Variants in PHIP observed in about 807,000 individuals in gnomAD.
PHIP encodes PHIP subunit of CUL4-Ring ligase complex, also known as PH-interacting protein.
PHIP carries 54 observed loss-of-function variants against 236.8 expected under a neutral mutation model. The observed-to-expected ratio is 0.23, with a 90% CI of 0.18 to 0.29. The LOEUF (loss-of-function observed/expected upper bound fraction) is 0.29. Among genes scored for constraint, PHIP ranks in the 10% least tolerant of loss-of-function variants. PHIP has a pLI of 1.00. For missense variants in PHIP, 1,370 were observed against 2,190.8 expected (o/e 0.63, Z 7.48); for synonymous variants, 756 against 718.9 (o/e 1.05, Z -0.83).
rs1773217688 is a variant in PHIP at position 78,935,035 on chromosome 6, A to G, written c.*5658T>C. On this transcript the variant is annotated 3_prime_UTR_variant, in exon 40 of 40. Coordinates refer to ENST00000275034, the MANE Select transcript of PHIP (RefSeq NM_017934.7). Reference sequence around the variant, plus strand: ...CAGAGGTTTTGTGCTTTGGTCTTTAATCTTACTTCCGTTAAATACTGGGGA... The same window carrying G: ...CAGAGGTTTTGTGCTTTGGTCTTTAGTCTTACTTCCGTTAAATACTGGGGA... Among the ~76,000 whole-genome samples, 1 of 152,186 alleles carries G rather than the reference A, an allele frequency of 6.6e-6. No individual in the cohort carries two copies. Among genetic ancestry groups the G allele is most frequent in the African/African-American group, 2.4e-5 (1 of 41,460 alleles).
At chr6:79,002,304 T>G (rs1000185367) in intron 16 of PHIP, among the ~76,000 whole-genome samples, 180 bp from the exon 17 acceptor site, 1 of 152,104 alleles carries the variant, frequency 6.6e-6, no homozygotes, top group African/African-American at 2.4e-5. Context: ...TTTTCTACCT[T>G]AAGTATTATG....
intron 31 of PHIP, 115 bp downstream of exon 31, chr6:78,961,575 T>A: frequency 1.1e-6 from 1 of 943,600 alleles, no homozygotes; most frequent in South Asian, 1.5e-5. Flanking sequence ...ATAATCCCCA[T>A]AATCTTATGT....
intron 6 of PHIP, among the ~76,000 whole-genome samples, chr6:79,052,139 G>T (rs1018363273): frequency 6.6e-6 from 1 of 152,120 alleles, no homozygotes; most frequent in Admixed American, 6.6e-5. Flanking sequence ...GGGAAATCTT[G>T]AAATATATAG....
intron 6 of PHIP, among the ~76,000 whole-genome samples, chr6:79,047,854 T>C (rs1772580197): frequency 6.6e-6 from 1 of 152,130 alleles, no homozygotes; most frequent in African/African-American, 2.4e-5. Context: ...CTTTAATCCA[T>C]CTACAATTAT....
chr6:79,010,120 GA>G (rs1480509133), intron 15 of PHIP, among the ~76,000 whole-genome samples: 1 of 151,566 alleles, frequency 6.6e-6, no homozygotes, highest in Admixed American at 6.6e-5. Context: ...GGGTGAGGGA[GA>G]AAAGAAAAGA....
intron 19 of PHIP, among the ~76,000 whole-genome samples, chr6:78,995,932 G>A (rs887873378): frequency 1.1e-4 from 16 of 152,320 alleles, no homozygotes; most frequent in African/African-American, 3.6e-4. Flanking sequence ...GAAGCCCAAA[G>A]AAAGAATATC....
rs193208578 is a variant in PHIP, at chr6:78,984,990, T to C, written c.2537+362A>G. On this transcript the variant is annotated intron_variant, in intron 22 of 39. Coordinates refer to ENST00000275034, the MANE Select transcript of PHIP (RefSeq NM_017934.7). ...GAGAGCTTATTCCTCTTATCATTAG[T>C]ATTCCATAAATTCCACTATATAAGA... Among the ~76,000 whole-genome samples the C allele has an allele frequency of 4.7e-4, 71 of 152,280 alleles. 1 individual carries two copies. The highest frequency in any genetic ancestry group is 7.8e-4 in the Admixed American group (12 of 15,290).
rs1773123837 is a variant in PHIP, at chr6:79,057,288, G to C, written c.439+3190C>G. Among the ~76,000 whole-genome samples, 2 of 152,098 alleles carry C rather than the reference G, an allele frequency of 1.3e-5. 1 individual carries two copies. The highest frequency in any genetic ancestry group is 4.1e-4 in the South Asian group (2 of 4,824). On this transcript the variant is annotated intron_variant, in intron 6 of 39. Transcript: ENST00000275034. ...ATGTCAAGTACGGTATCCTGGACTG[G>C]ATCCTGGAATAAGAAAACGTAATTA...
chr6:79,053,124 G>A (rs1239296877), intron 6 of PHIP, among the ~76,000 whole-genome samples: 2 of 152,042 alleles, frequency 1.3e-5, no homozygotes. Context: ...GACCAGCCTG[G>A]CCAACATGGT....
intron 17 of PHIP, 134 bp from the exon 18 acceptor site, chr6:78,998,525 A>C (rs1390147881): frequency 8.5e-6 from 5 of 587,534 alleles, no homozygotes; most frequent in Non-Finnish European, 1.2e-5. Flanking sequence ...TCAACTATAA[A>C]TGATGGGAGT....
chr6:79,033,134 A>G (rs1408593282), intron 7 of PHIP, among the ~76,000 whole-genome samples: 2 of 152,136 alleles, frequency 1.3e-5, no homozygotes, highest in Non-Finnish European at 2.9e-5. Context: ...ATAAAAAGAT[A>G]TGCTGTCATC....
intron 24 of PHIP, among the ~76,000 whole-genome samples, chr6:78,976,400 T>TA (rs1252773037): frequency 8.1e-6 from 1 of 123,552 alleles, no homozygotes; most frequent in Non-Finnish European, 1.7e-5. Context: ...ACTTAAACGT[T>TA]AGACCTAAAA....
chr6:78,946,619 G>C (rs70937073), intron 37 of PHIP, 92 bp downstream of exon 37: 1 of 1,453,290 alleles, frequency 6.9e-7, no homozygotes, highest in Admixed American at 2.7e-5. Context: ...TGCAATATAG[G>C]GAATAGTAAA....
intron 29 of PHIP, among the ~76,000 whole-genome samples, chr6:78,965,070 T>C (rs1008421620): frequency 4.6e-5 from 7 of 152,160 alleles, no homozygotes; most frequent in African/African-American, 1.7e-4. Flanking sequence ...GGCTAATTAT[T>C]AAATCCTGAA....
chr6:78,941,053 C>T lies in PHIP; in HGVS notation c.5106G>A (p.Lys1702=). 6.2e-7 allele frequency: 1 copy of T among 1,613,938 alleles called. No individual in the cohort carries two copies. Among genetic ancestry groups the T allele is most frequent in the Non-Finnish European group, 8.5e-7 (1 of 1,179,906 alleles). The change falls in exon 40 of 40, where the codon AAG becomes AAA. Residue 1702 remains lysine, a synonymous_variant. Transcript: ENST00000275034. ...GATTCTTTTTCTGTAACAAATCTTC[C>T]TTTACATTATTAGTTTCAGAAAGAA... ...CNFLSETNNV[K]EDLLQKKNRG... is the part of the protein sequence containing the mutation.
intron 4 of PHIP, among the ~76,000 whole-genome samples, chr6:79,075,418 T>C (rs1454799293): frequency 6.6e-6 from 1 of 152,138 alleles, no homozygotes; most frequent in African/African-American, 2.4e-5. Flanking sequence ...CCAACGTTCC[T>C]GTTCTAGTAA....
At chr6:78,946,662 T>C (rs760306506) in intron 37 of PHIP, 49 bp downstream of exon 37, 36 of 1,485,510 alleles carry the variant, frequency 2.4e-5, no homozygotes, top group Non-Finnish European at 3.2e-5. Context: ...TTCTATCATT[T>C]AGATGAAAGT....
intron 6 of PHIP, among the ~76,000 whole-genome samples, chr6:79,045,266 T>C (rs1431578128): frequency 6.6e-6 from 1 of 152,106 alleles, no homozygotes; most frequent in East Asian, 1.9e-4. Context: ...TTTCTAACTA[T>C]AGGATTTAAA....
chr6:79,015,174 C>T lies in PHIP; in HGVS notation c.1432G>A (p.Asp478Asn). ...CCAGCAGAAAAGAGAACTCTAGGATCGAACGGGTGTGGTTCAAGAACAAAT... is the reference window on the plus strand; with the variant it reads ...CCAGCAGAAAAGAGAACTCTAGGATTGAACGGGTGTGGTTCAAGAACAAAT... ...EVFVLEPHPF[D>N]PRVLFSAGHD... The change falls in exon 15 of 40, where the codon GAT (aspartate) becomes AAT (asparagine). Residue 478 changes from aspartate (D) to asparagine (N), a missense_variant. This residue lies in a region of PHIP where 188 missense variants were observed against 354.3 expected (regional missense o/e 0.53). Transcript: ENST00000275034. The T allele has an allele frequency of 1.9e-6, 3 of 1,610,888 alleles. No homozygotes were observed. The highest frequency in any genetic ancestry group is 2.5e-6 in the Non-Finnish European group (3 of 1,177,570).
Sources: allele counts gnomAD v4.1 joint callset (sites outside exome capture counted in the v4.1 genomes callset), GRCh38; gene constraint gnomAD v4.1.1; regional missense constraint gnomAD v4.1.1; transcripts MANE v1.5; gene names NCBI Gene and HGNC (gene_info 2026-07-23, HGNC 2026-07-21).